Variants in FBXO40 observed in about 807,000 individuals in gnomAD.
The protein encoded by FBXO40 is F-box protein 40.
In FBXO40, 50 loss-of-function variants were observed where a neutral mutation model predicts 49.9. The ratio of observed to expected loss-of-function variants is 1.00; its 90% confidence interval spans 0.80 to 1.27. The LOEUF is 1.27. Ranked by LOEUF, FBXO40 falls within the 50% of genes most tolerant of loss-of-function variation. The pLI is 0.00. For synonymous variants in FBXO40, 340 were observed against 320.2 expected, an observed-to-expected ratio of 1.06 and a Z score of -0.66; for missense variants, 895 against 870.1, an observed-to-expected ratio of 1.03 and a Z score of -0.36.
chr3:121,610,976 T>C (rs2048961290), intron 1 of FBXO40, among the ~76,000 whole-genome samples: 3 of 152,244 alleles, frequency 2.0e-5, no homozygotes, highest in Admixed American at 2.0e-4. Context: ...ATAGATGTCA[T>C]GCCCCTGGTT....
intron 1 of FBXO40, among the ~76,000 whole-genome samples, chr3:121,609,259 C>A (rs576251474): frequency 4.0e-5 from 6 of 151,886 alleles, no homozygotes; most frequent in African/African-American, 1.4e-4. Context: ...AAGATATATT[C>A]AAAATATTTG....
chr3:121,604,998 A>T (rs921926055), intron 1 of FBXO40, among the ~76,000 whole-genome samples: 11 of 151,590 alleles, frequency 7.3e-5, no homozygotes, highest in Non-Finnish European at 1.5e-4. Context: ...TATTTGACAC[A>T]GTCTCCCTCT....
At chr3:121,604,017 TC>T (rs1310594697) in intron 1 of FBXO40, among the ~76,000 whole-genome samples, 9 of 152,192 alleles carry the variant, frequency 5.9e-5, no homozygotes, top group Non-Finnish European at 1.5e-5. Flanking sequence ...CACGCCCAGC[TC>T]TGGTCATGTT....
intron 3 of FBXO40, among the ~76,000 whole-genome samples, chr3:121,624,378 A>G (rs1302100546): frequency 6.6e-6 from 1 of 152,180 alleles, no homozygotes; most frequent in East Asian, 1.9e-4. Flanking sequence ...AGTTTAGTAG[A>G]AAAGACAGAC....
chr3:121,624,960 C>T (rs141877351), intron 3 of FBXO40, among the ~76,000 whole-genome samples: 10 of 152,282 alleles, frequency 6.6e-5, no homozygotes, highest in Admixed American at 2.0e-4. Context: ...AGGAGGCCAA[C>T]AAATCTCCTC....
At chr3:121,607,792 T>C (rs974433387) in intron 1 of FBXO40, among the ~76,000 whole-genome samples, 1 of 152,160 alleles carries the variant, frequency 6.6e-6, no homozygotes, top group African/African-American at 2.4e-5. Flanking sequence ...GTGGGGGCAA[T>C]GGCTGGCTGC....
chr3:121,598,061 T>C (rs2048881825), intron 1 of FBXO40, among the ~76,000 whole-genome samples: 1 of 152,172 alleles, frequency 6.6e-6, no homozygotes, highest in Non-Finnish European at 1.5e-5. Context: ...ATTTACTTTA[T>C]ATTGGGGGTG....
chr3:121,626,800 C>G lies in FBXO40; in HGVS notation c.2020C>G (p.His674Asp). The G allele has an allele frequency of 4.3e-6, 7 of 1,614,146 alleles. No individual in the cohort carries two copies. The highest frequency in any genetic ancestry group is 5.1e-6 in the Non-Finnish European group (6 of 1,180,030). Residue 674 changes from histidine to aspartate, a missense_variant, in exon 4 of 4, where the codon CAC becomes GAC. Physicochemically the swap from His to Asp is moderately conservative, Grantham distance 81. Transcript: ENST00000338040. ...GTCCTGTCCTTTCAACATTGTAGAGCACAAAACTGACCCGATTCTTTTGAC... is the reference window on the plus strand; with the variant it reads ...GTCCTGTCCTTTCAACATTGTAGAGGACAAAACTGACCCGATTCTTTTGAC... ...LKSCPFNIVE[H>D]KTDPILLTSM...
At chr3:121,603,835 C>T (rs868682686) in intron 1 of FBXO40, among the ~76,000 whole-genome samples, 2 of 152,354 alleles carry the variant, frequency 1.3e-5, no homozygotes, top group Admixed American at 6.5e-5. Context: ...TCTCCTGCCT[C>T]AGCCTCCCAA....
Position 121,622,790 on chromosome 3 carries a change from G to A in FBXO40, c.1361G>A (p.Gly454Glu). 6.2e-7 allele frequency: 1 copy of A among 1,614,142 alleles called. No individual in the cohort carries two copies. The highest frequency in any genetic ancestry group is 2.2e-5 in the East Asian group (1 of 44,874). ...LADLTAATPGGLHVELHSECV... is the reference protein window; with the variant it reads ...LADLTAATPGELHVELHSECV... ...GACCTAACCGCTGCCACCCCAGGGGGACTCCACGTGGAGCTCCACAGCGAG... is the reference window on the plus strand; with the variant it reads ...GACCTAACCGCTGCCACCCCAGGGGAACTCCACGTGGAGCTCCACAGCGAG... The change falls in exon 3 of 4, where the codon GGA becomes GAA. Residue 454 changes from glycine (G) to glutamate (E), a missense_variant. Coordinates refer to ENST00000338040, the MANE Select transcript of FBXO40 (RefSeq NM_016298.4).
intron 1 of FBXO40, among the ~76,000 whole-genome samples, chr3:121,616,968 A>G (rs933209904): frequency 2.0e-5 from 3 of 152,202 alleles, no homozygotes; most frequent in African/African-American, 7.2e-5. Flanking sequence ...AGTTGATCAC[A>G]TGGAGGTAGA....
rs2049071771 is a variant in FBXO40 at position 121,627,967 on chromosome 3, C to A, written c.*1057C>A. 1 of 398,604 alleles carries A rather than the reference C, an allele frequency of 2.5e-6. No individual in the cohort carries two copies. Among genetic ancestry groups the A allele is most frequent in the Non-Finnish European group, 4.4e-6 (1 of 226,064 alleles). The allele number at this position is 398,604 out of a possible 1,614,324, so 24.7% of individuals were successfully genotyped here. On this transcript the variant is annotated 3_prime_UTR_variant, in exon 4 of 4. Transcript: ENST00000338040. The stretch of plus-strand genomic sequence containing the variant: ...AGAGGAAGACATGTGAACATAACGG[C>A]TCCCTGAAATTGCTCCTACCCATCC...
intron 1 of FBXO40, among the ~76,000 whole-genome samples, chr3:121,615,576 A>AAAAAG (rs1193194580): frequency 3.3e-5 from 5 of 151,288 alleles, no homozygotes; most frequent in African/African-American, 9.8e-5. Context: ...AAAAAAAAAA[A>AAAAAG]AAGAAGAAGA....
intron 1 of FBXO40, among the ~76,000 whole-genome samples, chr3:121,599,120 A>C (rs905244885): frequency 6.6e-6 from 1 of 152,106 alleles, no homozygotes; most frequent in African/African-American, 2.4e-5. Flanking sequence ...ACTGTAGTTC[A>C]TTTTTAAGAG....
At chr3:121,623,442 G>GA in intron 3 of FBXO40, 99 bp downstream of exon 3, 2 of 998,728 alleles carry the variant, frequency 2.0e-6, no homozygotes, top group Non-Finnish European at 1.5e-6. Flanking sequence ...AAAGTGCAGT[G>GA]GTGCAATCAC....
chr3:121,615,837 G>A (rs948787048), intron 1 of FBXO40, among the ~76,000 whole-genome samples: 2 of 152,142 alleles, frequency 1.3e-5, no homozygotes, highest in Non-Finnish European at 2.9e-5. Flanking sequence ...GTCAGCTTGG[G>A]ATGTGGCTAT....
At chr3:121,603,997 C>T (rs1167494901) in intron 1 of FBXO40, among the ~76,000 whole-genome samples, 3 of 152,230 alleles carry the variant, frequency 2.0e-5, no homozygotes, top group Non-Finnish European at 2.9e-5. Flanking sequence ...GGATTACAGG[C>T]GTGGGCCACC....
intron 1 of FBXO40, among the ~76,000 whole-genome samples, chr3:121,601,522 C>A (rs1177198810): frequency 1.3e-5 from 2 of 152,176 alleles, no homozygotes; most frequent in Non-Finnish European, 2.9e-5. Context: ...TAATACTGTT[C>A]CCAAGAACCA....
chr3:121,599,722 A>T (rs1343586563), intron 1 of FBXO40, among the ~76,000 whole-genome samples: 6 of 81,596 alleles, frequency 7.4e-5, no homozygotes, highest in African/African-American at 1.5e-4. Flanking sequence ...ATATATATAT[A>T]TATTTTTTTT....
Sources: allele counts gnomAD v4.1 joint callset (sites outside exome capture counted in the v4.1 genomes callset), GRCh38; gene constraint gnomAD v4.1.1; transcripts MANE v1.5; gene names NCBI Gene and HGNC (gene_info 2026-07-23, HGNC 2026-07-21).